The following GMPS variants were observed in gnomAD, a reference collection of about 807,000 sequenced individuals.
The protein encoded by GMPS is guanosine monophosphate synthase, also known as GMP synthase [glutamine-hydrolyzing].
Under a neutral mutation model 77.9 loss-of-function variants are expected in GMPS, and 15 were observed. The ratio of observed to expected loss-of-function variants is 0.19; its 90% CI spans 0.13 to 0.30. GMPS has a LOEUF of 0.30. Among genes scored for constraint, GMPS ranks in the 10% least tolerant of loss-of-function variants. The pLI, the probability that GMPS is intolerant of heterozygous loss-of-function variation, is 1.00. For synonymous variants in GMPS, 224 were observed against 275.9 expected, an observed-to-expected ratio of 0.81 and a Z score of 1.86; for missense variants, 590 against 838.8, an observed-to-expected ratio of 0.70 and a Z score of 3.66.
intron 1 of GMPS, among the ~76,000 whole-genome samples, chr3:155,892,596 G>A (rs546944755): frequency 5.0e-4 from 76 of 152,268 alleles, no homozygotes; most frequent in Middle Eastern, 3.4e-3. Flanking sequence ...TGTTATCCAT[G>A]TATACCTGAC....
chr3:155,930,332 T>C (rs1235814198), intron 12 of GMPS, among the ~76,000 whole-genome samples: 1 of 146,470 alleles, frequency 6.8e-6, no homozygotes, highest in East Asian at 2.0e-4. Flanking sequence ...ACTGGATCCC[T>C]TCCTTACACC....
At position 155,942,774 on chromosome 3, in the gene GMPS, A is replaced by T. The variant is rs560885236; in HGVS notation, c.*5082A>T. 4.5e-6 allele frequency: 1 copy of T among 224,092 alleles called. No homozygotes were observed. Among genetic ancestry groups the T allele is most frequent in the South Asian group, 1.8e-4 (1 of 5,448 alleles). The allele number at this position is 224,092 out of a possible 1,614,324, so 13.9% of individuals were successfully genotyped here. On this transcript the variant is annotated 3_prime_UTR_variant, in exon 16 of 16. Transcript: ENST00000496455. ...CCCCTGTGCTATAGCCACCGCTCCA[A>T]TTCTGACTCTAGCTAGGTCATGAAA...
chr3:155,880,610 A>G (rs1012569534), intron 1 of GMPS, among the ~76,000 whole-genome samples: 3 of 152,244 alleles, frequency 2.0e-5, no homozygotes, highest in Admixed American at 2.0e-4. Flanking sequence ...GATATAGAAC[A>G]TTTCTGTCAC....
At chr3:155,916,229 C>A (rs750361034) in intron 9 of GMPS, 37 bp downstream of exon 9, 17 of 1,322,906 alleles carry the variant, frequency 1.3e-5, no homozygotes, top group Non-Finnish European at 1.8e-5. Context: ...AAAGTAGATA[C>A]ATGGAAAGTC....
chr3:155,903,789 A>T, intron 3 of GMPS, 74 bp from the exon 4 acceptor site: 1 of 603,470 alleles, frequency 1.7e-6, no homozygotes. Flanking sequence ...AATAATATAA[A>T]TTATTAAATC....
chr3:155,936,027 C>T (rs1247366524), intron 14 of GMPS, among the ~76,000 whole-genome samples: 1 of 152,074 alleles, frequency 6.6e-6, no homozygotes, highest in Non-Finnish European at 1.5e-5. Flanking sequence ...GTTCAGTATT[C>T]GCTAATTCGT....
intron 1 of GMPS, among the ~76,000 whole-genome samples, chr3:155,875,057 T>G (rs1245934355): frequency 6.6e-6 from 1 of 151,718 alleles, no homozygotes; most frequent in Admixed American, 6.6e-5. Context: ...TAGCTGGGAT[T>G]ACAGGCGTGT....
chr3:155,918,445 C>T (rs1010162404), intron 9 of GMPS, among the ~76,000 whole-genome samples: 4 of 152,166 alleles, frequency 2.6e-5, no homozygotes, highest in Admixed American at 2.6e-4. Context: ...GAGCGAGACT[C>T]TGTCTTAAAA....
intron 3 of GMPS, among the ~76,000 whole-genome samples, chr3:155,898,379 T>G (rs1232899316): frequency 6.6e-6 from 1 of 152,202 alleles, no homozygotes; most frequent in Non-Finnish European, 1.5e-5. Context: ...TTTGAACCAT[T>G]TGAAAGTTGC....
At position 155,939,093 on chromosome 3, in the gene GMPS, A is replaced by G. The variant is rs765784381; in HGVS notation, c.*1401A>G. On this transcript the variant is annotated 3_prime_UTR_variant, in exon 16 of 16. Transcript: ENST00000496455. ...TTCTGGCTGGTCCAGGGAACAAGAA[A>G]ACTGCTGCTGGACCAGCAAGGGAAG... 15 of 217,428 alleles carry G rather than the reference A, an allele frequency of 6.9e-5. No individual in the cohort carries two copies. Among genetic ancestry groups the G allele is most frequent in the African/African-American group, 1.1e-4 (5 of 44,460 alleles). The allele number at this position is 217,428 out of a possible 1,614,324, so 13.5% of individuals were successfully genotyped here.
intron 1 of GMPS, among the ~76,000 whole-genome samples, chr3:155,878,838 T>C (rs1754127694): frequency 6.6e-6 from 1 of 151,506 alleles, no homozygotes; most frequent in South Asian, 2.1e-4. Flanking sequence ...GACCTGAGAA[T>C]CGGGAGTCCA....
intron 1 of GMPS, among the ~76,000 whole-genome samples, chr3:155,876,026 A>C (rs2108046373): frequency 6.6e-6 from 1 of 152,324 alleles, no homozygotes. Flanking sequence ...TATTACATAC[A>C]AAAAAATTGT....
chr3:155,940,296 G>C lies in GMPS; in HGVS notation c.*2604G>C. On this transcript the variant is annotated 3_prime_UTR_variant, in exon 16 of 16. Transcript: ENST00000496455. Reference sequence around the variant, plus strand: ...GTCCTGCCTTAAAGGCCACATCTATGATCATCAGCTCTGTTAGAAATAACA... The same window carrying C: ...GTCCTGCCTTAAAGGCCACATCTATCATCATCAGCTCTGTTAGAAATAACA... 4.9e-6 allele frequency: 1 copy of C among 203,042 alleles called. No homozygotes were observed. Among genetic ancestry groups the C allele is most frequent in the Non-Finnish European group, 1.0e-5 (1 of 99,018 alleles). The allele number at this position is 203,042 out of a possible 1,614,324, so 12.6% of individuals were successfully genotyped here.
chr3:155,926,374 A>C (rs1169052625), intron 12 of GMPS, among the ~76,000 whole-genome samples: 1 of 152,084 alleles, frequency 6.6e-6, no homozygotes, highest in Non-Finnish European at 1.5e-5. Context: ...AGGGAAGAGA[A>C]AGGTTATTTT....
intron 5 of GMPS, among the ~76,000 whole-genome samples, chr3:155,908,164 C>T (rs62286849): frequency 0.054 from 8,295 of 152,210 alleles, 318 homozygotes; most frequent in East Asian, 0.18. Flanking sequence ...AGAGAGACAG[C>T]GTTGTCAGGA....
chr3:155,877,250 C>T (rs532022968), intron 1 of GMPS, among the ~76,000 whole-genome samples: 180 of 152,242 alleles, frequency 1.2e-3, no homozygotes, highest in African/African-American at 3.9e-3. Context: ...TTATTGGTAG[C>T]AGTAGAACTT....
intron 3 of GMPS, among the ~76,000 whole-genome samples, chr3:155,901,921 A>G (rs1754746763): frequency 6.6e-6 from 1 of 152,142 alleles, no homozygotes; most frequent in Non-Finnish European, 1.5e-5. Flanking sequence ...TTATGGTTTC[A>G]CTTGGCTTCT....
chr3:155,937,523 A>G, intron 15 of GMPS, 68 bp from the exon 16 acceptor site: 2 of 722,036 alleles, frequency 2.8e-6, no homozygotes, highest in South Asian at 1.6e-5. Context: ...CAAATTACAA[A>G]TGTAAGCCCT....
intron 1 of GMPS, among the ~76,000 whole-genome samples, 176 bp from the exon 2 acceptor site, chr3:155,893,342 A>C (rs1247105170): frequency 6.6e-6 from 1 of 152,234 alleles, no homozygotes; most frequent in Non-Finnish European, 1.5e-5. Context: ...ATGCCCATGC[A>C]TGGATATATA....
Sources: gnomAD v4.1 joint callset for allele counts (sites outside exome capture counted in the v4.1 genomes callset) on GRCh38, gnomAD v4.1.1 for gene constraint, MANE v1.5 for transcripts, NCBI Gene and HGNC (gene_info 2026-07-23, HGNC 2026-07-21) for gene names.